The following MYLIP variants were observed in gnomAD, a reference collection of about 807,000 sequenced individuals.
The protein encoded by MYLIP is myosin regulatory light chain interacting protein.
Under a neutral mutation model 45.8 loss-of-function variants are expected in MYLIP, and 26 were observed. That is an observed-to-expected ratio of 0.57 (90% confidence interval 0.42 to 0.79). MYLIP has a LOEUF of 0.79. Ranked by LOEUF, MYLIP falls within the 30% of genes least tolerant of loss-of-function variation. The pLI is 0.00. For synonymous variants in MYLIP, 213 were observed against 218.1 expected (o/e 0.98, Z 0.21); for missense variants, 494 against 555.6 (o/e 0.89, Z 1.11).
chr6:16,145,330 G>A lies in MYLIP; in HGVS notation c.1248+13G>A. 1.3e-6 allele frequency: 2 copies of A among 1,562,726 alleles called. No homozygotes were observed. Among genetic ancestry groups the A allele is most frequent in the African/African-American group, 2.7e-5 (2 of 73,776 alleles). The stretch of plus-strand genomic sequence containing the variant: ...CGCCCAGCTACAGGTAGGGGAGTCA[G>A]CTGCCCACTTTTGCCTGCAGCCTCA... On this transcript the variant is annotated intron_variant, in intron 6 of 6. Coordinates refer to ENST00000356840, the MANE Select transcript of MYLIP (RefSeq NM_013262.4).
At chr6:16,134,782 T>G (rs1453011978) in intron 2 of MYLIP, among the ~76,000 whole-genome samples, 1 of 152,244 alleles carries the variant, frequency 6.6e-6, no homozygotes, top group East Asian at 1.9e-4. Context: ...AATCAAATTT[T>G]AAATTTCTGA....
rs1759814673 is a variant in MYLIP, at chr6:16,147,347, TA to T, written c.*599del. On this transcript the variant is annotated 3_prime_UTR_variant, in exon 7 of 7. Transcript: ENST00000356840. ...AAAAAGTTGACAATGTTGTCAGATT[TA>T]AACCAGTGTGGCTAGTAAAAAGCAG... 6.5e-6 allele frequency: 1 copy of T among 153,528 alleles called. No homozygotes were observed. Among genetic ancestry groups the T allele is most frequent in the Admixed American group, 6.5e-5 (1 of 15,468 alleles). 9.5% of individuals were successfully genotyped at this position (153,528 alleles called of 1,614,324 possible). A position where few individuals can be genotyped will look rare whatever the true frequency, so the allele number is the denominator to read the frequency against.
At chr6:16,141,949 A>C in intron 3 of MYLIP, 139 bp downstream of exon 3, 2 of 754,506 alleles carry the variant, frequency 2.7e-6, no homozygotes. Flanking sequence ...GAGGCACTTA[A>C]GAAGTCATAC....
Position 16,147,944 on chromosome 6 carries a change from C to T in MYLIP, c.*1193C>T, listed in dbSNP as rs1256864604. 2.0e-5 allele frequency: 3 copies of T among 152,558 alleles called. No homozygotes were observed. Among genetic ancestry groups the T allele is most frequent in the South Asian group, 4.1e-4 (2 of 4,828 alleles). The allele number at this position is 152,558 out of a possible 1,614,324, so 9.5% of individuals were successfully genotyped here. On this transcript the variant is annotated 3_prime_UTR_variant, in exon 7 of 7. Coordinates refer to ENST00000356840, the MANE Select transcript of MYLIP (RefSeq NM_013262.4). ...TGTCGGGAGACCTAGATGACCTTAT[C>T]GGGTGCAATACTAGCTAAGGTAAAG...
intron 2 of MYLIP, among the ~76,000 whole-genome samples, chr6:16,131,600 GA>G (rs1759462013): frequency 6.6e-6 from 1 of 152,234 alleles, no homozygotes; most frequent in Non-Finnish European, 1.5e-5. Flanking sequence ...CTACTTTGAA[GA>G]CATAGCAAGC....
chr6:16,140,053 C>A (rs991218660), intron 2 of MYLIP, among the ~76,000 whole-genome samples: 2 of 152,230 alleles, frequency 1.3e-5, no homozygotes, highest in African/African-American at 4.8e-5. Context: ...TTAGTCGATT[C>A]TTACCTTGCT....
downstream of MYLIP, among the ~76,000 whole-genome samples, chr6:16,148,827 C>CTCA (rs1318501505): frequency 9.2e-5 from 14 of 152,100 alleles, no homozygotes; most frequent in African/African-American, 3.4e-4. Flanking sequence ...CCAGTGTGTG[C>CTCA]TCATCTGTGT....
chr6:16,161,286 T>C, the MYLIP span: 1 of 371,508 alleles, frequency 2.7e-6, no homozygotes, highest in South Asian at 2.3e-5. Flanking sequence ...ATGCCAAGCC[T>C]GCTGTCACAT....
the MYLIP span, among the ~76,000 whole-genome samples, chr6:16,158,351 A>T: frequency 6.6e-6 from 1 of 152,360 alleles, no homozygotes; most frequent in South Asian, 2.1e-4. Flanking sequence ...TGTTTGCATC[A>T]TCATCTTCTG....
the MYLIP span, among the ~76,000 whole-genome samples, chr6:16,155,391 A>G: frequency 6.6e-6 from 1 of 152,240 alleles, no homozygotes; most frequent in Admixed American, 6.5e-5. Context: ...CAGACACAAT[A>G]AACAGCAACA....
downstream of MYLIP, among the ~76,000 whole-genome samples, chr6:16,152,415 G>A (rs1006314632): frequency 2.6e-5 from 4 of 152,174 alleles, no homozygotes; most frequent in Non-Finnish European, 5.9e-5. Context: ...ACTGAGCAAT[G>A]TCTGGAGATG....
At chr6:16,157,803 A>C in the MYLIP span, among the ~76,000 whole-genome samples, 2 of 152,280 alleles carry the variant, frequency 1.3e-5, no homozygotes, top group Admixed American at 6.5e-5. Flanking sequence ...CTCCCAGGTT[A>C]ACGGGCAGCC....
rs779468510 is a variant in MYLIP at position 16,131,685 on chromosome 6, C to G, written c.278+938C>G. Among the ~76,000 whole-genome samples the G allele has an allele frequency of 3.3e-5, 5 of 152,098 alleles. No individual in the cohort carries two copies. In the South Asian group the frequency reaches 8.3e-4, roughly 25 times the overall value. On this transcript the variant is annotated intron_variant, in intron 2 of 6. Coordinates refer to ENST00000356840, the MANE Select transcript of MYLIP (RefSeq NM_013262.4). ...TGCCATGCATATGAAAAATGTGATT[C>G]TAAAAATTTTAAGTAATGATGAATG... is the stretch of plus-strand genomic sequence containing the variant.
chr6:16,151,367 A>T (rs888746320), downstream of MYLIP, among the ~76,000 whole-genome samples: 3 of 151,474 alleles, frequency 2.0e-5, no homozygotes, highest in Non-Finnish European at 2.9e-5. Context: ...AAAAAAAAAA[A>T]GAAAAAAGAA....
At chr6:16,141,438 A>G (rs1458052852) in intron 2 of MYLIP, 187 bp from the exon 3 acceptor site, 11 of 466,084 alleles carry the variant, frequency 2.4e-5, no homozygotes, top group Non-Finnish European at 4.1e-5. Flanking sequence ...TATTCCAGAG[A>G]AACGCAGTTC....
At chr6:16,131,513 T>C (rs972256754) in intron 2 of MYLIP, among the ~76,000 whole-genome samples, 1 of 152,218 alleles carries the variant, frequency 6.6e-6, no homozygotes, top group Non-Finnish European at 1.5e-5. Flanking sequence ...AACTAGGAAA[T>C]TGATATTTAA....
chr6:16,149,049 T>TTA (rs1759847735), downstream of MYLIP, among the ~76,000 whole-genome samples: 1 of 152,182 alleles, frequency 6.6e-6, no homozygotes, highest in Non-Finnish European at 1.5e-5. Context: ...ACCTACTAAG[T>TTA]TATTGAGCCC....
At chr6:16,150,976 GT>G (rs2113591573), downstream of MYLIP, among the ~76,000 whole-genome samples, 1 of 152,184 alleles carries the variant, frequency 6.6e-6, no homozygotes, top group Non-Finnish European at 1.5e-5. Flanking sequence ...GCACGCATGG[GT>G]AAAAGCATGA....
chr6:16,133,379 G>A (rs952471781), intron 2 of MYLIP, among the ~76,000 whole-genome samples: 1 of 152,208 alleles, frequency 6.6e-6, no homozygotes, highest in African/African-American at 2.4e-5. Context: ...TTGGTAGGTA[G>A]AGTTCTGATT....
Sources: gnomAD v4.1 joint callset for allele counts (sites outside exome capture counted in the v4.1 genomes callset) on GRCh38, gnomAD v4.1.1 for gene constraint, MANE v1.5 for transcripts, NCBI Gene and HGNC (gene_info 2026-07-23, HGNC 2026-07-21) for gene names.